The following KCNC2 variants were observed in gnomAD, a reference collection of about 807,000 sequenced individuals.
The protein encoded by KCNC2 is potassium voltage-gated channel subfamily C member 2, also known as voltage-gated potassium channel KCNC2.
Under a neutral mutation model 44.5 loss-of-function variants are expected in KCNC2, and 21 were observed. That is an observed-to-expected ratio of 0.47 (90% confidence interval 0.33 to 0.68). KCNC2 has a LOEUF of 0.68. Ranked by LOEUF, KCNC2 falls within the 30% of genes least tolerant of loss-of-function variation. KCNC2 has a pLI of 0.01. For missense variants in KCNC2, 589 were observed against 826.2 expected (o/e 0.71, Z 3.52); for synonymous variants, 391 against 339.1 (o/e 1.15, Z -1.68).
rs1881143859 is a variant in KCNC2, at chr12:75,051,321, T to C, written c.688-4A>G. On this transcript the variant is annotated splice_polypyrimidine_tract_variant and splice_region_variant and intron_variant, in intron 2 of 4. Coordinates refer to ENST00000549446, the MANE Select transcript of KCNC2 (RefSeq NM_139137.4). The stretch of plus-strand genomic sequence containing the variant: ...ATAAAGAAGCAAAAGCAATAAACTG[T>C]AGAGGAAAAAGAAATAAAAAAACCC... The C allele has an allele frequency of 2.0e-6, 3 of 1,528,352 alleles. No individual in the cohort carries two copies. Among genetic ancestry groups the C allele is most frequent in the Non-Finnish European group, 1.8e-6 (2 of 1,125,932 alleles). 94.7% of individuals were successfully genotyped at this position (1,528,352 alleles called of 1,614,324 possible).
intron 2 of KCNC2, among the ~76,000 whole-genome samples, chr12:75,129,952 T>C (rs572935354): frequency 1.3e-5 from 2 of 152,316 alleles, no homozygotes; most frequent in Admixed American, 6.5e-5. Context: ...ATTAGGTCCA[T>C]ATAACACTAC....
chr12:75,108,103 C>A (rs959683093), intron 2 of KCNC2, among the ~76,000 whole-genome samples: 1 of 152,102 alleles, frequency 6.6e-6, no homozygotes, highest in East Asian at 1.9e-4. Context: ...AATAAATAAA[C>A]ATCAAACAGA....
At chr12:75,092,906 C>T (rs907022591) in intron 2 of KCNC2, among the ~76,000 whole-genome samples, 4 of 151,340 alleles carry the variant, frequency 2.6e-5, no homozygotes, top group African/African-American at 7.3e-5. Context: ...CAGTAGAAGT[C>T]ATTCTTGCAT....
intron 2 of KCNC2, among the ~76,000 whole-genome samples, chr12:75,138,881 T>C (rs944001110): frequency 6.7e-6 from 1 of 148,268 alleles, no homozygotes; most frequent in Non-Finnish European, 1.5e-5. Flanking sequence ...CTCGGGAGGC[T>C]GAGTCAGGAG....
intron 2 of KCNC2, among the ~76,000 whole-genome samples, chr12:75,090,695 T>C (rs1885401719): frequency 6.6e-6 from 1 of 151,480 alleles, no homozygotes; most frequent in Non-Finnish European, 1.5e-5. Context: ...ATATATAGAG[T>C]GAAGGAAAGA....
chr12:75,166,689 A>G (rs1891477078), intron 2 of KCNC2, among the ~76,000 whole-genome samples: 1 of 151,284 alleles, frequency 6.6e-6, no homozygotes, highest in South Asian at 2.1e-4. Context: ...GTCAGAAATT[A>G]AACAACACAT....
chr12:75,193,347 A>G (rs2030472925), intron 2 of KCNC2, among the ~76,000 whole-genome samples: 1 of 152,180 alleles, frequency 6.6e-6, no homozygotes, highest in African/African-American at 2.4e-5. Context: ...ATGTAATTCA[A>G]TATAGGTAAA....
chr12:75,109,277 G>A (rs977793844), intron 2 of KCNC2, among the ~76,000 whole-genome samples: 1 of 152,086 alleles, frequency 6.6e-6, no homozygotes, highest in East Asian at 1.9e-4. Context: ...AAACTTTAAT[G>A]CCCCCATCAT....
intron 3 of KCNC2, among the ~76,000 whole-genome samples, 167 bp from the exon 4 acceptor site, chr12:75,048,484 G>A (rs1880796260): frequency 6.6e-6 from 1 of 152,036 alleles, no homozygotes; most frequent in Non-Finnish European, 1.5e-5. Flanking sequence ...AAAATTACAT[G>A]GAGCAAAATG....
chr12:75,140,256 C>G (rs1270865892), intron 2 of KCNC2: 2 of 152,160 alleles, frequency 1.3e-5, no homozygotes, highest in African/African-American at 4.8e-5. Flanking sequence ...CCTCTCCTTG[C>G]ATCAAATTTG....
intron 2 of KCNC2, among the ~76,000 whole-genome samples, chr12:75,129,356 T>C: frequency 6.6e-6 from 1 of 152,208 alleles, no homozygotes; most frequent in Non-Finnish European, 1.5e-5. Context: ...ATCCAGTGAT[T>C]TATATTTTAT....
Position 75,048,249 on chromosome 12 carries a change from G to T in KCNC2, c.1684C>A (p.Arg562Ser). The T allele has an allele frequency of 1.2e-6, 2 of 1,612,908 alleles. No homozygotes were observed. Among genetic ancestry groups the T allele is most frequent in the Non-Finnish European group, 1.7e-6 (2 of 1,179,266 alleles). ...CTGTTTTTGTCTCTGGTACTAGAGCGTCTGATGGGGAGCCTTTCTGGGGGT... is the reference window on the plus strand; with the variant it reads ...CTGTTTTTGTCTCTGGTACTAGAGCTTCTGATGGGGAGCCTTTCTGGGGGT... Reference protein sequence around the residue: ...LSPPERLPIRRSSTRDKNRRG... With the variant: ...LSPPERLPIRSSSTRDKNRRG... The change falls in exon 4 of 5, where the codon CGC becomes AGC. Residue 562 changes from arginine to serine, a missense_variant. By Grantham distance (110) the Arg-to-Ser change is moderately radical (BLOSUM62 -1). Transcript: ENST00000549446.
At chr12:75,119,559 G>C (rs1487295286) in intron 2 of KCNC2, among the ~76,000 whole-genome samples, 1 of 152,182 alleles carries the variant, frequency 6.6e-6, no homozygotes, top group African/African-American at 2.4e-5. Context: ...AAGTGGGCCA[G>C]AATTTGAAAC....
At chr12:75,175,434 C>G (rs1341755602) in intron 2 of KCNC2, among the ~76,000 whole-genome samples, 1 of 151,942 alleles carries the variant, frequency 6.6e-6, no homozygotes, top group Non-Finnish European at 1.5e-5. Context: ...AAGATTGCAT[C>G]ATTGGTACTA....
rs370680893 is a variant in KCNC2 at position 75,114,061 on chromosome 12, G to C, written c.688-62744C>G. 3.6e-4 allele frequency among the ~76,000 whole-genome samples: 55 copies of C among 152,174 alleles called. No homozygotes were observed. In the East Asian group the frequency reaches 9.4e-3, roughly 26 times the overall value. Reference sequence around the variant, plus strand: ...GACCATAGCTTCAGATAAATCAAAAGAAGACTCAGAAAATTTAATTAATCT... The same window carrying C: ...GACCATAGCTTCAGATAAATCAAAACAAGACTCAGAAAATTTAATTAATCT... On this transcript the variant is annotated intron_variant, in intron 2 of 4. Transcript: ENST00000549446.
At chr12:75,205,632 T>C (rs2031623229) in intron 2 of KCNC2, among the ~76,000 whole-genome samples, 1 of 152,172 alleles carries the variant, frequency 6.6e-6, no homozygotes, top group South Asian at 2.1e-4. Context: ...TAAAACATTA[T>C]GTCCTTTTGT....
intron 2 of KCNC2, among the ~76,000 whole-genome samples, chr12:75,187,128 T>G (rs1893007218): frequency 6.6e-6 from 1 of 152,216 alleles, no homozygotes; most frequent in South Asian, 2.1e-4. Flanking sequence ...AACTGACAAA[T>G]TTGGAAGATA....
intron 2 of KCNC2, among the ~76,000 whole-genome samples, chr12:75,089,260 G>T (rs186785422): frequency 8.6e-5 from 13 of 151,736 alleles, no homozygotes; most frequent in African/African-American, 3.1e-4. Flanking sequence ...ACTGTAATGC[G>T]CTAAAGTAAT....
At chr12:75,110,747 T>G (rs1301730488) in intron 2 of KCNC2, among the ~76,000 whole-genome samples, 1 of 152,052 alleles carries the variant, frequency 6.6e-6, no homozygotes, top group Non-Finnish European at 1.5e-5. Context: ...AAATACTTTC[T>G]ACATATATAT....
Sources: allele counts gnomAD v4.1 joint callset (sites outside exome capture counted in the v4.1 genomes callset), GRCh38; gene constraint gnomAD v4.1.1; transcripts MANE v1.5; gene names NCBI Gene and HGNC (gene_info 2026-07-23, HGNC 2026-07-21).